EXOC4: variants seen among roughly 807,000 people sequenced by gnomAD.
EXOC4 encodes the protein SEC8-like 1.
A neutral mutation model predicts 107.2 loss-of-function variants in EXOC4; 71 were observed. The ratio of observed to expected loss-of-function variants is 0.66; its 90% CI spans 0.55 to 0.81. EXOC4 has a LOEUF of 0.81. Ranked by LOEUF, EXOC4 falls within the 30% of genes least tolerant of loss-of-function variation. EXOC4 has a pLI of 0.00. For missense variants in EXOC4, 1,108 were observed against 1,189.6 expected, an observed-to-expected ratio of 0.93 and a Z score of 1.01; for synonymous variants, 456 against 441.2, an observed-to-expected ratio of 1.03 and a Z score of -0.42.
intron 4 of EXOC4, among the ~76,000 whole-genome samples, chr7:133,310,388 A>G (rs1464207392): frequency 6.6e-6 from 1 of 152,200 alleles, no homozygotes; most frequent in East Asian, 1.9e-4. Flanking sequence ...TTCAAGTGAA[A>G]TGACATACAG....
the EXOC4 span, among the ~76,000 whole-genome samples, chr7:134,085,332 CAA>C: frequency 2.5e-3 from 355 of 144,820 alleles, no homozygotes; most frequent in African/African-American, 6.9e-3. Context: ...ACAAAAACAA[CAA>C]AAAAAAAAAA....
intron 12 of EXOC4, among the ~76,000 whole-genome samples, chr7:133,912,300 C>A (rs889706955): frequency 4.6e-5 from 7 of 152,172 alleles, no homozygotes; most frequent in Non-Finnish European, 4.4e-5. Flanking sequence ...AGGAGACTTT[C>A]CAATAATAGG....
At chr7:133,533,403 T>A (rs1367257980) in intron 9 of EXOC4, among the ~76,000 whole-genome samples, 1 of 152,178 alleles carries the variant, frequency 6.6e-6, no homozygotes, top group African/African-American at 2.4e-5. Flanking sequence ...AGCTTGTGGA[T>A]GCCTACTCTT....
intron 11 of EXOC4, among the ~76,000 whole-genome samples, chr7:133,867,119 A>G (rs554007735): frequency 6.6e-6 from 1 of 152,308 alleles, no homozygotes; most frequent in South Asian, 2.1e-4. Context: ...AGGATCTACT[A>G]TGAGTAAATG....
At chr7:133,795,275 G>C (rs1252570007) in intron 10 of EXOC4, among the ~76,000 whole-genome samples, 1 of 152,122 alleles carries the variant, frequency 6.6e-6, no homozygotes, top group East Asian at 1.9e-4. Flanking sequence ...TCAAGGTTCA[G>C]CACACTAATG....
intron 14 of EXOC4, among the ~76,000 whole-genome samples, chr7:133,978,581 G>A (rs757143264): frequency 6.6e-6 from 1 of 152,210 alleles, no homozygotes. Context: ...TAGGGAATAC[G>A]ATGTTTTAGA....
At chr7:133,258,798 A>C (rs1261614011) in intron 1 of EXOC4, among the ~76,000 whole-genome samples, 1 of 152,194 alleles carries the variant, frequency 6.6e-6, no homozygotes, top group Non-Finnish European at 1.5e-5. Flanking sequence ...TTAAGATAGT[A>C]ATTATTTGGT....
chr7:133,604,985 A>G (rs946659514), intron 9 of EXOC4, among the ~76,000 whole-genome samples: 1 of 151,696 alleles, frequency 6.6e-6, no homozygotes, highest in Non-Finnish European at 1.5e-5. Flanking sequence ...TCGGCCTCCC[A>G]AAGTGCTGGG....
intron 7 of EXOC4, among the ~76,000 whole-genome samples, chr7:133,456,559 G>C (rs1353389620): frequency 6.6e-6 from 1 of 152,164 alleles, no homozygotes; most frequent in African/African-American, 2.4e-5. Flanking sequence ...TGTCTGATAT[G>C]AGAAAACTTA....
At chr7:133,520,242 G>A (rs1369472585) in intron 9 of EXOC4, among the ~76,000 whole-genome samples, 2 of 152,142 alleles carry the variant, frequency 1.3e-5, no homozygotes, top group African/African-American at 2.4e-5. Flanking sequence ...GAAAACCTGA[G>A]CATGTATCTT....
chr7:133,468,597 T>G (rs1798791058), intron 7 of EXOC4, among the ~76,000 whole-genome samples: 2 of 152,172 alleles, frequency 1.3e-5, no homozygotes, highest in South Asian at 2.1e-4. Flanking sequence ...TTTTGTCTCC[T>G]GCGCTTTTCA....
chr7:133,500,342 A>T (rs1185382438), intron 9 of EXOC4, among the ~76,000 whole-genome samples: 1 of 152,156 alleles, frequency 6.6e-6, no homozygotes, highest in East Asian at 1.9e-4. Context: ...GCTTTATGTC[A>T]TAATAGATGA....
At chr7:133,496,494 T>A (rs1251561111) in intron 9 of EXOC4, among the ~76,000 whole-genome samples, 1 of 152,214 alleles carries the variant, frequency 6.6e-6, no homozygotes, top group Non-Finnish European at 1.5e-5. Context: ...TTCAGTGATC[T>A]TGTATTCCTT....
chr7:133,385,777 A>C (rs1796713809), intron 7 of EXOC4, among the ~76,000 whole-genome samples: 1 of 152,188 alleles, frequency 6.6e-6, no homozygotes, highest in Admixed American at 6.5e-5. Context: ...GCAATTTTTA[A>C]GTCATTGATT....
chr7:133,296,711 C>CT (rs1173874113), intron 3 of EXOC4, among the ~76,000 whole-genome samples: 2 of 151,462 alleles, frequency 1.3e-5, no homozygotes, highest in Non-Finnish European at 2.9e-5. Context: ...TTAAATTTTG[C>CT]TTTTTTATCT....
At chr7:133,698,587 A>AAAT (rs1554387396) in intron 10 of EXOC4, among the ~76,000 whole-genome samples, 55 of 151,428 alleles carry the variant, frequency 3.6e-4, no homozygotes, top group Admixed American at 5.9e-4. Context: ...AAAAAAAAAA[A>AAAT]ATATAGAAGA....
chr7:133,929,480 A>T (rs1800127599), intron 13 of EXOC4, among the ~76,000 whole-genome samples: 1 of 151,442 alleles, frequency 6.6e-6, no homozygotes, highest in Non-Finnish European at 1.5e-5. Flanking sequence ...TATCCCAGAA[A>T]AAAAAAATGG....
intron 9 of EXOC4, among the ~76,000 whole-genome samples, chr7:133,592,637 T>A (rs1801576983): frequency 1.3e-5 from 2 of 152,020 alleles, no homozygotes; most frequent in African/African-American, 4.8e-5. Flanking sequence ...GGAGTCTCAC[T>A]CTGTCGCTAG....
intron 17 of EXOC4, among the ~76,000 whole-genome samples, chr7:134,021,525 A>C (rs1017919804): frequency 3.9e-5 from 6 of 152,106 alleles, no homozygotes; most frequent in African/African-American, 1.4e-4. Flanking sequence ...GTAGTTTTCC[A>C]ATTGATGGAA....
Sources: allele counts gnomAD v4.1 joint callset (sites outside exome capture counted in the v4.1 genomes callset), GRCh38; gene constraint gnomAD v4.1.1; transcripts MANE v1.5; gene names NCBI Gene and HGNC (gene_info 2026-07-23, HGNC 2026-07-21).